The following DTNA variants were observed in gnomAD, a reference collection of about 807,000 sequenced individuals.
DTNA encodes the protein dystrophin-related protein 3.
DTNA carries 43 observed loss-of-function variants against 100.7 expected under a neutral mutation model. That is an observed-to-expected ratio of 0.43 (90% CI 0.33 to 0.55). The LOEUF is 0.55. DTNA is among the 20% of genes least tolerant of loss of function. DTNA has a pLI of 0.04. For missense variants in DTNA, 798 were observed against 953.9 expected, an observed-to-expected ratio of 0.84 and a Z score of 2.15; for synonymous variants, 349 against 347.9, an observed-to-expected ratio of 1.00 and a Z score of -0.04.
intron 3 of DTNA, among the ~76,000 whole-genome samples, chr18:34,790,567 A>ATATATATATATATATATT (rs2094687460): frequency 2.5e-5 from 1 of 39,660 alleles, no homozygotes; most frequent in African/African-American, 9.1e-5. Flanking sequence ...ATATATATAT[A>ATATATATATATATATATT]TTTTTTTTTT....
intron 1 of DTNA, among the ~76,000 whole-genome samples, chr18:34,714,899 C>T (rs1042058197): frequency 2.6e-5 from 4 of 152,096 alleles, no homozygotes; most frequent in Non-Finnish European, 4.4e-5. Flanking sequence ...GAGTTCATGT[C>T]CTTTGTAGGG....
intron 1 of DTNA, among the ~76,000 whole-genome samples, chr18:34,512,658 G>A (rs1265993991): frequency 6.6e-6 from 1 of 152,028 alleles, no homozygotes; most frequent in African/African-American, 2.4e-5. Flanking sequence ...TGGTGGTGGT[G>A]TTACTGTTCT....
At chr18:34,861,162 A>G (rs1348482766) in intron 16 of DTNA, among the ~76,000 whole-genome samples, 1 of 152,120 alleles carries the variant, frequency 6.6e-6, no homozygotes, top group Admixed American at 6.5e-5. Flanking sequence ...TAAAATTTTG[A>G]CAATTGTTCT....
chr18:34,811,545 A>G (rs992700179), intron 5 of DTNA, among the ~76,000 whole-genome samples: 1 of 152,238 alleles, frequency 6.6e-6, no homozygotes, highest in Non-Finnish European at 1.5e-5. Flanking sequence ...AGCTAGATAA[A>G]TGAATATACG....
At chr18:34,824,251 G>A (rs796854376) in intron 9 of DTNA, among the ~76,000 whole-genome samples, 7 of 152,226 alleles carry the variant, frequency 4.6e-5, no homozygotes, top group Middle Eastern at 3.4e-3. Flanking sequence ...TGAGGCGGGC[G>A]GATCACGAGG....
intron 1 of DTNA, among the ~76,000 whole-genome samples, chr18:34,561,779 G>C (rs1446239288): frequency 6.6e-6 from 1 of 152,042 alleles, no homozygotes; most frequent in African/African-American, 2.4e-5. Context: ...GGTTATAAAT[G>C]GATGCTATAG....
At chr18:34,589,885 T>C (rs932489318) in intron 1 of DTNA, among the ~76,000 whole-genome samples, 1 of 152,216 alleles carries the variant, frequency 6.6e-6, no homozygotes, top group African/African-American at 2.4e-5. Flanking sequence ...GCCTGGCTTA[T>C]TTCACTTGGC....
chr18:34,767,230 C>A (rs113340376), intron 3 of DTNA, among the ~76,000 whole-genome samples: 1 of 152,030 alleles, frequency 6.6e-6, no homozygotes, highest in South Asian at 2.1e-4. Flanking sequence ...GGGTAGAAAC[C>A]GGCATCTCCA....
chr18:34,870,220 G>A (rs146971034), intron 17 of DTNA, among the ~76,000 whole-genome samples: 168 of 152,284 alleles, frequency 1.1e-3, no homozygotes, highest in Non-Finnish European at 1.9e-3. Context: ...AAAAAGTCAA[G>A]CATCATTCCA....
At chr18:34,625,097 C>T (rs930845460) in intron 1 of DTNA, among the ~76,000 whole-genome samples, 13 of 150,992 alleles carry the variant, frequency 8.6e-5, no homozygotes, top group South Asian at 2.1e-4. Context: ...TGCAGTGGCA[C>T]GATCTCGGCT....
In DTNA at chr18:34,831,209, G is replaced by T. The variant is rs2096000901; in HGVS notation, c.1175+1720G>T. On this transcript the variant is annotated intron_variant, in intron 11 of 22. Transcript: ENST00000444659. Reference sequence around the variant, plus strand: ...AAGCTTCTTCATTAGTCAGAGTAAAGACTAATGAAAAAATTAGTCACACTT... The same window carrying T: ...AAGCTTCTTCATTAGTCAGAGTAAATACTAATGAAAAAATTAGTCACACTT... Among the ~76,000 whole-genome samples the T allele has an allele frequency of 2.0e-5, 3 of 152,038 alleles. No individual in the cohort carries two copies. The South Asian group carries it at 6.2e-4, about 31-fold the overall frequency.
At position 34,890,050 on chromosome 18, in the gene DTNA, C is replaced by T; in HGVS notation, c.*2316C>T. 1 of 1,314,456 alleles carries T rather than the reference C, an allele frequency of 7.6e-7. No homozygotes were observed. Among genetic ancestry groups the T allele is most frequent in the Non-Finnish European group, 9.7e-7 (1 of 1,032,226 alleles). 81.4% of individuals were successfully genotyped at this position (1,314,456 alleles called of 1,614,324 possible). A position where few individuals can be genotyped will look rare whatever the true frequency, so the allele number is the denominator to read the frequency against. On this transcript the variant is annotated 3_prime_UTR_variant, in exon 23 of 23. Transcript: ENST00000444659. ...AGTTCTTGAACTCAGAACTTAAATC[C>T]TGCACGTGGCACTCCACCACTGACT...
At position 34,890,306 on chromosome 18, in the gene DTNA, G is replaced by A. The variant is rs1394375097; in HGVS notation, c.*2572G>A. On this transcript the variant is annotated 3_prime_UTR_variant, in exon 23 of 23. Transcript: ENST00000444659. The stretch of plus-strand genomic sequence containing the variant: ...CACCTTTTCTCTCTCTTAGCTCCAC[G>A]TCAGCACTGAGACCAGACTCGAGCA... 7.8e-6 allele frequency: 12 copies of A among 1,535,824 alleles called. No individual in the cohort carries two copies. Among genetic ancestry groups the A allele is most frequent in the South Asian group, 7.1e-5 (6 of 84,052 alleles).
upstream of DTNA, among the ~76,000 whole-genome samples, chr18:34,707,960 G>C (rs2082323095): frequency 6.6e-6 from 1 of 152,184 alleles, no homozygotes; most frequent in South Asian, 2.1e-4. Context: ...CAACTGATTT[G>C]TTGTGGGGCT....
intron 19 of DTNA, 26 bp from the exon 20 acceptor site, chr18:34,879,525 T>C: frequency 1.2e-6 from 2 of 1,613,702 alleles, no homozygotes; most frequent in Non-Finnish European, 8.5e-7. Context: ...CGAGTCATTC[T>C]TTATTTCTTC....
At chr18:34,794,564 T>C (rs1279353861) in intron 4 of DTNA, among the ~76,000 whole-genome samples, 3 of 152,174 alleles carry the variant, frequency 2.0e-5, no homozygotes, top group Non-Finnish European at 4.4e-5. Flanking sequence ...TGGTGCGATT[T>C]AATGAAGCGT....
intron 5 of DTNA, among the ~76,000 whole-genome samples, chr18:34,809,832 A>C (rs1419832345): frequency 6.6e-6 from 1 of 152,196 alleles, no homozygotes; most frequent in Non-Finnish European, 1.5e-5. Flanking sequence ...AAACAACACT[A>C]TGTTGCAACA....
chr18:34,571,674 G>T (rs1598653240), intron 1 of DTNA, among the ~76,000 whole-genome samples: 1 of 152,160 alleles, frequency 6.6e-6, no homozygotes, highest in South Asian at 2.1e-4. Context: ...GTTAGCAAGA[G>T]TTTTATCCTG....
intron 1 of DTNA, among the ~76,000 whole-genome samples, chr18:34,551,313 C>T (rs2045388101): frequency 6.6e-6 from 1 of 152,112 alleles, no homozygotes; most frequent in Non-Finnish European, 1.5e-5. Flanking sequence ...GGTTCTGCCT[C>T]CAAACTATAT....
Sources: gnomAD v4.1 joint callset for allele counts (sites outside exome capture counted in the v4.1 genomes callset) on GRCh38, gnomAD v4.1.1 for gene constraint, MANE v1.5 for transcripts, NCBI Gene and HGNC (gene_info 2026-07-23, HGNC 2026-07-21) for gene names.